Variants in OR51B5 observed in about 807,000 individuals in gnomAD.
OR51B5 encodes olfactory receptor 51B5.
For synonymous variants in OR51B5, 186 were observed against 144.8 expected, an observed-to-expected ratio of 1.28 and a Z score of -2.04; for missense variants, 456 against 374.6, an observed-to-expected ratio of 1.22 and a Z score of -1.79.
chr11:5,501,593 G>A lies in OR51B5; in HGVS notation n.84+3976C>T, dbSNP rs534128618. On this transcript the variant is annotated intron_variant and non_coding_transcript_variant, in intron 1 of 4. Coordinates refer to the OR51B5 transcript ENST00000415970. Reference sequence around the variant, plus strand: ...CTTCTCCTTCTAGAACACACCAAGCGCCCAACTTACCCTTAAAGCTGCCAC... The same window carrying A: ...CTTCTCCTTCTAGAACACACCAAGCACCCAACTTACCCTTAAAGCTGCCAC... 3.2e-4 allele frequency among the ~76,000 whole-genome samples: 47 copies of A among 147,540 alleles called. 4 individuals carry two copies. The highest frequency in any genetic ancestry group is 2.6e-4 in the Non-Finnish European group (17 of 65,956).
intron 1 of OR51B5, among the ~76,000 whole-genome samples, chr11:5,480,084 C>T (rs1306525844): frequency 6.6e-6 from 1 of 152,064 alleles, no homozygotes; most frequent in East Asian, 1.9e-4. Context: ...ACACCTATTC[C>T]AAAATTGACC....
intron 1 of OR51B5, among the ~76,000 whole-genome samples, chr11:5,481,612 A>G (rs1851421571): frequency 6.7e-6 from 1 of 149,898 alleles, no homozygotes; most frequent in Non-Finnish European, 1.5e-5. Flanking sequence ...AGAAAACCCC[A>G]CTGTCTCAGC....
At chr11:5,483,565 A>C (rs1417796761) in intron 1 of OR51B5, among the ~76,000 whole-genome samples, 1 of 151,398 alleles carries the variant, frequency 6.6e-6, no homozygotes, top group African/African-American at 2.4e-5. Flanking sequence ...AAAAAAAAAA[A>C]GAAGAGAAAA....
intron 1 of OR51B5, among the ~76,000 whole-genome samples, chr11:5,445,569 C>G (rs1252095493): frequency 6.6e-6 from 1 of 151,838 alleles, no homozygotes; most frequent in South Asian, 2.1e-4. Flanking sequence ...CCAATAAAGA[C>G]GCAGCACCTA....
intron 1 of OR51B5, among the ~76,000 whole-genome samples, chr11:5,462,620 T>C (rs1288779673): frequency 6.6e-6 from 1 of 152,244 alleles, no homozygotes; most frequent in Non-Finnish European, 1.5e-5. Flanking sequence ...GCACAGAGTT[T>C]ATCCTCTGAG....
At chr11:5,456,418 C>G (rs1850959713) in intron 1 of OR51B5, 1 of 152,122 alleles carries the variant, frequency 6.6e-6, no homozygotes, top group African/African-American at 2.4e-5. Flanking sequence ...CAGCTCTAAT[C>G]CTAAAAAGGT....
intron 1 of OR51B5, among the ~76,000 whole-genome samples, chr11:5,378,207 G>A (rs555017685): frequency 2.7e-4 from 41 of 152,032 alleles, no homozygotes; most frequent in African/African-American, 9.9e-4. Context: ...ACAAGAAATG[G>A]GGAAAGGATT....
chr11:5,377,485 A>G (rs1229356984), intron 1 of OR51B5, among the ~76,000 whole-genome samples: 1 of 152,158 alleles, frequency 6.6e-6, no homozygotes, highest in East Asian at 1.9e-4. Flanking sequence ...AGACAGGAAA[A>G]AAGGGTATTC....
intron 1 of OR51B5, chr11:5,390,518 G>A: frequency 1.5e-6 from 1 of 668,074 alleles, no homozygotes; most frequent in Non-Finnish European, 2.4e-6. Flanking sequence ...ATTTATGTCT[G>A]GAGTTGTGGC....
chr11:5,417,940 C>G (rs1289600160), intron 1 of OR51B5, among the ~76,000 whole-genome samples: 2 of 144,648 alleles, frequency 1.4e-5, no homozygotes, highest in East Asian at 4.0e-4. Flanking sequence ...ATAAATCATG[C>G]TGCTATAAAG....
At chr11:5,498,047 T>C (rs901226576) in intron 1 of OR51B5, among the ~76,000 whole-genome samples, 1 of 152,204 alleles carries the variant, frequency 6.6e-6, no homozygotes, top group Non-Finnish European at 1.5e-5. Context: ...CCATTATGTT[T>C]TGGGTTTTAA....
chr11:5,416,949 A>C (rs1032897844), intron 1 of OR51B5, among the ~76,000 whole-genome samples: 87 of 148,606 alleles, frequency 5.9e-4, no homozygotes, highest in Non-Finnish European at 1.1e-3. Flanking sequence ...TATGGAACCA[A>C]AAAAGAGCCC....
rs192893200 is a variant in OR51B5 at position 5,449,960 on chromosome 11, C to A, written n.84+55609G>T. 3.3e-5 allele frequency among the ~76,000 whole-genome samples: 5 copies of A among 152,276 alleles called. No homozygotes were observed. In the East Asian group the frequency reaches 9.7e-4, roughly 29 times the overall value. On this transcript the variant is annotated intron_variant and non_coding_transcript_variant, in intron 1 of 4. Coordinates refer to the OR51B5 transcript ENST00000415970. ...TCTTTAGACAGCCTTTCTGTACATT[C>A]CTCCAGCCTCTACCTTCTTTCTGCC...
intron 1 of OR51B5, among the ~76,000 whole-genome samples, chr11:5,469,826 T>C (rs891120523): frequency 3.9e-5 from 6 of 152,186 alleles, no homozygotes; most frequent in African/African-American, 1.2e-4. Flanking sequence ...CCATGAAGTC[T>C]TTCCTTAATA....
intron 1 of OR51B5, among the ~76,000 whole-genome samples, chr11:5,435,072 C>G (rs1293300569): frequency 2.0e-5 from 3 of 152,050 alleles, no homozygotes; most frequent in Non-Finnish European, 4.4e-5. Context: ...AAAAATAGCC[C>G]CATCTCAAAA....
intron 1 of OR51B5, among the ~76,000 whole-genome samples, chr11:5,386,791 C>T (rs1302736849): frequency 6.6e-6 from 1 of 151,612 alleles, no homozygotes; most frequent in Admixed American, 6.6e-5. Flanking sequence ...ATTAAAAGAA[C>T]TTAGTTAAAA....
chr11:5,489,075 T>G, intron 1 of OR51B5: 1 of 1,614,102 alleles, frequency 6.2e-7, no homozygotes, highest in African/African-American at 1.3e-5. Context: ...CCATGGCCTT[T>G]GATAGGTATG....
intron 1 of OR51B5, among the ~76,000 whole-genome samples, chr11:5,474,206 A>G (rs1449742418): frequency 6.6e-6 from 1 of 152,176 alleles, no homozygotes; most frequent in East Asian, 1.9e-4. Context: ...CACCTTTTGT[A>G]GATGAAATAT....
chr11:5,367,984 T>G (rs1296145309), intron 1 of OR51B5, among the ~76,000 whole-genome samples: 1 of 152,230 alleles, frequency 6.6e-6, no homozygotes, highest in African/African-American at 2.4e-5. Flanking sequence ...AAGTTTCACT[T>G]CTACCAGAGT....
Sources: gnomAD v4.1 joint callset for allele counts (sites outside exome capture counted in the v4.1 genomes callset) on GRCh38, gnomAD v4.1.1 for gene constraint, MANE v1.5 for transcripts, NCBI Gene and HGNC (gene_info 2026-07-23, HGNC 2026-07-21) for gene names.